ATG10: variants seen among roughly 807,000 people sequenced by gnomAD.
The protein encoded by ATG10 is autophagy related 10.
Under a neutral mutation model 32.1 loss-of-function variants are expected in ATG10, and 30 were observed. The observed-to-expected ratio is 0.94, with a 90% CI of 0.70 to 1.27. The LOEUF (loss-of-function observed/expected upper bound fraction) is 1.27, where lower values mean the gene tolerates loss of function less well. Among genes scored for constraint, ATG10 ranks in the 50% most tolerant of loss-of-function variants. The probability of loss-of-function intolerance (pLI) is 0.00; values close to 1 mark genes in which losing one functional copy is unlikely to be tolerated. For synonymous variants in ATG10, 87 were observed against 91.5 expected (o/e 0.95, Z 0.28); for missense variants, 233 against 262.3 (o/e 0.89, Z 0.77).
At chr5:82,055,198 A>G (rs374380921) in intron 2 of ATG10, among the ~76,000 whole-genome samples, 2 of 152,202 alleles carry the variant, frequency 1.3e-5, no homozygotes, top group African/African-American at 2.4e-5. Flanking sequence ...AAAAAACTCT[A>G]TATTTAATTT....
chr5:82,161,014 C>T (rs1561332822), intron 3 of ATG10, among the ~76,000 whole-genome samples: 2 of 152,104 alleles, frequency 1.3e-5, no homozygotes, highest in South Asian at 4.1e-4. Context: ...AGACAAGAAC[C>T]TTAGTCTTGA....
intron 1 of ATG10, among the ~76,000 whole-genome samples, chr5:81,975,533 T>G (rs1004258028): frequency 3.0e-4 from 46 of 152,144 alleles, no homozygotes; most frequent in African/African-American, 9.9e-4. Context: ...ATACAAAAAA[T>G]TAGCTGTGCA....
chr5:82,141,843 G>A (rs1767161682), intron 3 of ATG10, among the ~76,000 whole-genome samples: 1 of 150,876 alleles, frequency 6.6e-6, no homozygotes, highest in Non-Finnish European at 1.5e-5. Flanking sequence ...TACCCATAAG[G>A]CTGTTTGAAA....
intron 2 of ATG10, among the ~76,000 whole-genome samples, chr5:82,043,243 G>T (rs931086849): frequency 6.6e-6 from 1 of 152,194 alleles, no homozygotes; most frequent in African/African-American, 2.4e-5. Flanking sequence ...CTCTGAAGCC[G>T]TGGCCCTAGC....
At chr5:82,009,956 A>G in intron 2 of ATG10, 1 of 1,611,766 alleles carries the variant, frequency 6.2e-7, no homozygotes, top group Non-Finnish European at 8.5e-7. Context: ...CCTTATAACC[A>G]AATCCTTTCT....
intron 3 of ATG10, among the ~76,000 whole-genome samples, chr5:82,157,080 C>T (rs1480604077): frequency 6.6e-6 from 1 of 152,176 alleles, no homozygotes; most frequent in Non-Finnish European, 1.5e-5. Flanking sequence ...GCATCCCCTC[C>T]CTCCTGCCTC....
chr5:81,999,222 C>T (rs1761762891), intron 2 of ATG10, among the ~76,000 whole-genome samples: 1 of 149,516 alleles, frequency 6.7e-6, no homozygotes, highest in East Asian at 1.9e-4. Flanking sequence ...AAATAGAAAT[C>T]AATGCCAAGA....
chr5:82,030,421 A>C (rs1004967825), intron 2 of ATG10, among the ~76,000 whole-genome samples: 2 of 152,224 alleles, frequency 1.3e-5, no homozygotes, highest in Non-Finnish European at 2.9e-5. Context: ...CATTTTGGAC[A>C]GCACAAAGAA....
intron 3 of ATG10, among the ~76,000 whole-genome samples, chr5:82,078,948 C>A (rs1270990623): frequency 1.3e-5 from 2 of 152,138 alleles, no homozygotes; most frequent in African/African-American, 4.8e-5. Flanking sequence ...CAGTATCATA[C>A]CTCCATTGTT....
intron 3 of ATG10, among the ~76,000 whole-genome samples, chr5:82,096,564 A>G (rs1000373842): frequency 2.4e-4 from 36 of 152,148 alleles, no homozygotes; most frequent in Non-Finnish European, 2.5e-4. Flanking sequence ...TCTGAGGTAT[A>G]GAAAGAAGGA....
At chr5:82,048,411 T>C (rs1763293129) in intron 2 of ATG10, among the ~76,000 whole-genome samples, 1 of 151,534 alleles carries the variant, frequency 6.6e-6, no homozygotes, top group Admixed American at 6.6e-5. Flanking sequence ...TGGTTTGTAG[T>C]TCTCCTTGAA....
intron 5 of ATG10, among the ~76,000 whole-genome samples, chr5:82,220,294 G>A (rs1366467034): frequency 2.0e-5 from 3 of 151,582 alleles, no homozygotes; most frequent in Non-Finnish European, 1.5e-5. Context: ...ATGGAGTCTC[G>A]CTCTGTCACC....
chr5:82,171,157 G>A (rs1743793101), intron 4 of ATG10, among the ~76,000 whole-genome samples: 1 of 152,136 alleles, frequency 6.6e-6, no homozygotes, highest in Non-Finnish European at 1.5e-5. Context: ...ACTAGGTTAA[G>A]TGATTCACTT....
At chr5:81,983,534 G>A (rs577892104) in intron 1 of ATG10, among the ~76,000 whole-genome samples, 2 of 147,044 alleles carry the variant, frequency 1.4e-5, no homozygotes, top group South Asian at 4.4e-4. Flanking sequence ...CCTCCCTCCC[G>A]GATGGGGCCG....
intron 1 of ATG10, among the ~76,000 whole-genome samples, chr5:81,977,136 G>A (rs1308462137): frequency 1.3e-5 from 2 of 152,192 alleles, no homozygotes; most frequent in Non-Finnish European, 2.9e-5. Flanking sequence ...TTGTCCTCCC[G>A]AAGTGCTAGG....
intron 5 of ATG10, among the ~76,000 whole-genome samples, chr5:82,180,572 G>T (rs1052104395): frequency 6.6e-6 from 1 of 152,274 alleles, no homozygotes; most frequent in East Asian, 1.9e-4. Flanking sequence ...CCAGCTTCTA[G>T]TGTCTTGTCA....
intron 5 of ATG10, among the ~76,000 whole-genome samples, chr5:82,201,875 T>C (rs1369883199): frequency 6.6e-6 from 1 of 152,244 alleles, no homozygotes; most frequent in Non-Finnish European, 1.5e-5. Context: ...TTTATGTAAA[T>C]ATTTCAATTT....
At chr5:82,220,601 C>A (rs963836035) in intron 5 of ATG10, among the ~76,000 whole-genome samples, 21 of 150,708 alleles carry the variant, frequency 1.4e-4, no homozygotes, top group Non-Finnish European at 2.8e-4. Context: ...GTTTTAACTT[C>A]TCTCCCTCAT....
At chr5:82,001,573 A>G (rs999524001) in intron 2 of ATG10, among the ~76,000 whole-genome samples, 18 of 151,158 alleles carry the variant, frequency 1.2e-4, no homozygotes. Context: ...TCAATAAATG[A>G]TGTGGGATAA....
Sources: allele counts gnomAD v4.1 joint callset (sites outside exome capture counted in the v4.1 genomes callset), GRCh38; gene constraint gnomAD v4.1.1; transcripts MANE v1.5; gene names NCBI Gene and HGNC (gene_info 2026-07-23, HGNC 2026-07-21).